The following MAPK9 variants were observed in gnomAD, a reference collection of about 807,000 sequenced individuals.
The protein encoded by MAPK9 is mitogen-activated protein kinase 9, also known as Jun kinase.
Under a neutral mutation model 57.1 loss-of-function variants are expected in MAPK9, and 30 were observed. That is an observed-to-expected ratio of 0.53 (90% CI 0.39 to 0.71). The LOEUF is 0.71. Ranked by LOEUF, MAPK9 falls within the 30% of genes least tolerant of loss-of-function variation. The pLI is 0.00. For missense variants in MAPK9, 362 were observed against 521.0 expected (o/e 0.69, Z 2.97); for synonymous variants, 155 against 177.0 (o/e 0.88, Z 0.99).
rs747968357 is a variant in MAPK9, at chr5:180,247,881, T to C, written c.617-371A>G. On this transcript the variant is annotated intron_variant, in intron 6 of 11. Coordinates refer to ENST00000452135, the MANE Select transcript of MAPK9 (RefSeq NM_002752.5). This position sits in a 1 kb window ranked among gnomAD's most constrained non-coding sequence, Gnocchi z 4.5. ...GTCTCTTCCCGGGAACAGGACTTTA[T>C]GGAGGACCATTTCTGCCATGATGCA... is the stretch of plus-strand genomic sequence containing the variant. 2 of 1,614,056 alleles carry C rather than the reference T, an allele frequency of 1.2e-6. No individual in the cohort carries two copies. The highest frequency in any genetic ancestry group is 3.3e-5 in the Admixed American group (2 of 60,006).
intron 2 of MAPK9, among the ~76,000 whole-genome samples, chr5:180,279,628 T>C (rs1468137718): frequency 1.3e-5 from 2 of 152,086 alleles, no homozygotes; most frequent in Non-Finnish European, 2.9e-5. Flanking sequence ...AAACACGCGA[T>C]GTTTAACTGC....
Position 180,280,107 on chromosome 5 carries a change from T to C in MAPK9, c.122+333A>G, listed in dbSNP as rs1208785469. The C allele has an allele frequency of 1.9e-5, 9 of 462,684 alleles. No individual in the cohort carries two copies. In the Admixed American group the frequency reaches 2.1e-4, roughly 11 times the overall value. 28.7% of individuals were successfully genotyped at this position (462,684 alleles called of 1,614,324 possible). A position where few individuals can be genotyped will look rare whatever the true frequency, so the allele number is the denominator to read the frequency against. ...AAGGTGGCCATGATGAAGAAATGAA[T>C]AAAACTCCAAATTTCTGTTACAACT... On this transcript the variant is annotated intron_variant, in intron 2 of 11. Coordinates refer to ENST00000452135, the MANE Select transcript of MAPK9 (RefSeq NM_002752.5).
chr5:180,257,697 C>G (rs1759442825), intron 5 of MAPK9: 1 of 152,420 alleles, frequency 6.6e-6, no homozygotes, highest in East Asian at 1.9e-4. Flanking sequence ...AATGGGAAGA[C>G]CAGAACAGTG....
At chr5:180,280,685 A>G in intron 1 of MAPK9, 77 bp from the exon 2 acceptor site, 1 of 1,160,404 alleles carries the variant, frequency 8.6e-7, no homozygotes, top group Non-Finnish European at 1.2e-6. Flanking sequence ...TTCTGAACTT[A>G]TTGGTATGTA....
At position 180,247,903 on chromosome 5, in the gene MAPK9, T is replaced by C; in HGVS notation, c.617-393A>G. ...TTATGGAGGACCATTTCTGCCATGATGCACCCGACAGACCAGATGTCCACT... is the reference window on the plus strand; with the variant it reads ...TTATGGAGGACCATTTCTGCCATGACGCACCCGACAGACCAGATGTCCACT... On this transcript the variant is annotated intron_variant, in intron 6 of 11. Coordinates refer to ENST00000452135, the MANE Select transcript of MAPK9 (RefSeq NM_002752.5). This position sits in a 1 kb window ranked among gnomAD's most constrained non-coding sequence, Gnocchi z 4.5. The C allele has an allele frequency of 1.2e-6, 2 of 1,614,176 alleles. No homozygotes were observed. The highest frequency in any genetic ancestry group is 1.7e-6 in the Non-Finnish European group (2 of 1,180,028).
At chr5:180,237,600 G>T (rs1270087485) in intron 11 of MAPK9, 1 of 152,160 alleles carries the variant, frequency 6.6e-6, no homozygotes, top group East Asian at 1.9e-4. Context: ...CAGTACAAAG[G>T]GTTATCAACA....
rs1407168407 is a variant in MAPK9, at chr5:180,238,251, C to T, written c.1132+81G>A. The T allele has an allele frequency of 5.4e-6, 6 of 1,101,580 alleles. No individual in the cohort carries two copies. The East Asian group carries it at 1.2e-4, about 23-fold the overall frequency. 68.2% of individuals were successfully genotyped at this position (1,101,580 alleles called of 1,614,324 possible). ...CGCCGCTGCTCTCCAGCCTGGGCGA[C>T]AGAACGAAACTCTGTCTCAAAAAAA... On this transcript the variant is annotated intron_variant, in intron 11 of 11. Transcript: ENST00000452135.
At position 180,242,638 on chromosome 5, in the gene MAPK9, A is replaced by G. The variant is rs1227913697; in HGVS notation, c.806T>C (p.Ile269Thr). ...ATCTGGAAAGAGTTCTTCAAATTTG[A>G]TTCCAGGATACTTTGGTCTGTTTTC... ...YVENRPKYPG[I>T]KFEELFPDWI... is the part of the protein sequence containing the mutation. The change falls in exon 8 of 12, where the codon ATC (isoleucine) becomes ACC (threonine). Residue 269 changes from isoleucine to threonine, a missense_variant. By Grantham distance (89) the Ile-to-Thr change is moderately conservative. Around this residue, in one of 3 missense-constraint regions of MAPK9, gnomAD observed 199 missense variants for 251.3 expected, o/e 0.79. Transcript: ENST00000452135. 1 of 1,614,162 alleles carries G rather than the reference A, an allele frequency of 6.2e-7. No homozygotes were observed. The highest frequency in any genetic ancestry group is 1.7e-5 in the Admixed American group (1 of 60,022).
Position 180,247,263 on chromosome 5 carries a change from G to A in MAPK9, c.688+176C>T. ...GGTAGTCAAGTTAAAAATAAAGAAT[G>A]AAATTGAACCACTTGGCTTGTGACA... On this transcript the variant is annotated intron_variant, in intron 7 of 11. Coordinates refer to ENST00000452135, the MANE Select transcript of MAPK9 (RefSeq NM_002752.5). The surrounding 1 kb of genome is among the most constrained non-coding windows in gnomAD (Gnocchi z 4.5). 1.6e-6 allele frequency: 1 copy of A among 639,690 alleles called. No homozygotes were observed. The highest frequency in any genetic ancestry group is 2.7e-6 in the Non-Finnish European group (1 of 368,714). The allele number at this position is 639,690 out of a possible 1,614,324, so 39.6% of individuals were successfully genotyped here.
chr5:180,248,849 T>TA, intron 6 of MAPK9, 124 bp downstream of exon 6: 1 of 875,806 alleles, frequency 1.1e-6, no homozygotes, highest in Non-Finnish European at 1.6e-6. Context: ...GATCATGCTA[T>TA]ATTCTGGGTG....
intron 1 of MAPK9, among the ~76,000 whole-genome samples, chr5:180,281,300 T>C (rs1261418342): frequency 5.9e-5 from 9 of 152,192 alleles, no homozygotes; most frequent in Non-Finnish European, 1.5e-5. Context: ...CAGTCCATCA[T>C]AGTAACACTA....
intron 3 of MAPK9, among the ~76,000 whole-genome samples, chr5:180,265,131 G>A (rs1411566888): frequency 2.6e-5 from 4 of 152,138 alleles, no homozygotes; most frequent in Non-Finnish European, 5.9e-5. Flanking sequence ...CAGGTAAAAA[G>A]ACATTAAAGC....
intron 2 of MAPK9, among the ~76,000 whole-genome samples, chr5:180,272,020 T>C (rs572212002): frequency 6.6e-6 from 1 of 152,146 alleles, no homozygotes; most frequent in Non-Finnish European, 1.5e-5. Context: ...CTACTCCACA[T>C]GATTTGCAGA....
chr5:180,250,199 G>C (rs1191544014), intron 5 of MAPK9, among the ~76,000 whole-genome samples: 2 of 152,178 alleles, frequency 1.3e-5, no homozygotes, highest in African/African-American at 4.8e-5. Flanking sequence ...AGACACTTGG[G>C]AAGTGTCTGC....
chr5:180,251,329 C>T (rs1323846458), intron 5 of MAPK9, among the ~76,000 whole-genome samples: 1 of 152,170 alleles, frequency 6.6e-6, no homozygotes, highest in African/African-American at 2.4e-5. Context: ...CCTGGTTCTA[C>T]CAAGGACAGA....
In MAPK9 at chr5:180,247,824, G is replaced by T; in HGVS notation, c.617-314C>A. On this transcript the variant is annotated intron_variant, in intron 6 of 11. Transcript: ENST00000452135. This position sits in a 1 kb window ranked among gnomAD's most constrained non-coding sequence, Gnocchi z 4.5. ...GCCACACGCCCACCCCAGCCTCCAT[G>T]GCCAAGTACCGGGTCCCCTGTGAAG... 1 of 1,610,856 alleles carries T rather than the reference G, an allele frequency of 6.2e-7. No individual in the cohort carries two copies. The highest frequency in any genetic ancestry group is 8.5e-7 in the Non-Finnish European group (1 of 1,177,144).
intron 8 of MAPK9, among the ~76,000 whole-genome samples, chr5:180,241,519 T>C (rs1439139446): frequency 6.6e-6 from 1 of 152,196 alleles, no homozygotes; most frequent in African/African-American, 2.4e-5. Context: ...CAGGATGGTC[T>C]CGATCTCTTG....
At chr5:180,270,774 C>T (rs139361554) in intron 2 of MAPK9, among the ~76,000 whole-genome samples, 2 of 142,778 alleles carry the variant, frequency 1.4e-5, no homozygotes, top group East Asian at 2.1e-4. Flanking sequence ...CTGCTTGAGC[C>T]GGGGGTCGAG....
intron 11 of MAPK9, 40 bp downstream of exon 11, chr5:180,238,292 A>C: frequency 6.5e-7 from 1 of 1,530,258 alleles, no homozygotes; most frequent in Non-Finnish European, 8.9e-7. Context: ...TTGAATAGGG[A>C]AAGAAAAATA....
Sources: allele counts gnomAD v4.1 joint callset (sites outside exome capture counted in the v4.1 genomes callset), GRCh38; gene constraint gnomAD v4.1.1; regional missense constraint gnomAD v4.1.1; non-coding constraint Gnocchi (gnomAD v3.1); transcripts MANE v1.5; gene names NCBI Gene and HGNC (gene_info 2026-07-23, HGNC 2026-07-21).